The following KIF21A variants were observed in gnomAD, a reference collection of about 807,000 sequenced individuals.
The protein encoded by KIF21A is kinesin-like protein KIF21A.
Under a neutral mutation model 202.9 loss-of-function variants are expected in KIF21A, and 114 were observed. The observed-to-expected ratio is 0.56, with a 90% CI of 0.48 to 0.66. The LOEUF is 0.66. Ranked by LOEUF, KIF21A falls within the 30% of genes least tolerant of loss-of-function variation. The pLI is 0.00. For synonymous variants in KIF21A, 667 were observed against 670.8 expected (o/e 0.99, Z 0.09); for missense variants, 1,677 against 1,994.9 (o/e 0.84, Z 3.04).
chr12:39,412,788 C>G (rs934686810), intron 1 of KIF21A, among the ~76,000 whole-genome samples: 2 of 152,138 alleles, frequency 1.3e-5, no homozygotes, highest in African/African-American at 4.8e-5. Context: ...AGCAGTAACT[C>G]TTTACAAATA....
Position 39,337,079 on chromosome 12 carries a change from A to T in KIF21A, c.2418+17T>A. 1 of 1,492,446 alleles carries T rather than the reference A, an allele frequency of 6.7e-7. No individual in the cohort carries two copies. The highest frequency in any genetic ancestry group is 9.3e-7 in the Non-Finnish European group (1 of 1,072,342). The allele number at this position is 1,492,446 out of a possible 1,614,324, so 92.5% of individuals were successfully genotyped here. Reference sequence around the variant, plus strand: ...CGTACAATTTTCTTATATAACTGAGAGTTAAAATCCACTTACATCTCTTTT... The same window carrying T: ...CGTACAATTTTCTTATATAACTGAGTGTTAAAATCCACTTACATCTCTTTT... On this transcript the variant is annotated intron_variant, in intron 17 of 37. Coordinates refer to ENST00000361418, the MANE Select transcript of KIF21A (RefSeq NM_001173464.2).
intron 1 of KIF21A, among the ~76,000 whole-genome samples, chr12:39,422,695 C>A (rs1954404625): frequency 1.3e-5 from 2 of 152,176 alleles, no homozygotes; most frequent in African/African-American, 4.8e-5. Flanking sequence ...CTGAAATATG[C>A]CAAAAGTTCA....
intron 1 of KIF21A, among the ~76,000 whole-genome samples, chr12:39,395,895 T>TC (rs1308163223): frequency 2.0e-5 from 3 of 150,564 alleles, no homozygotes; most frequent in Non-Finnish European, 4.4e-5. Flanking sequence ...TTTTCTTCCT[T>TC]CCCCCCGCCT....
intron 37 of KIF21A, among the ~76,000 whole-genome samples, chr12:39,299,624 T>A (rs1942770845): frequency 6.6e-6 from 1 of 152,098 alleles, no homozygotes; most frequent in Admixed American, 6.6e-5. Context: ...GGAATATAAA[T>A]CATTCTACCA....
intron 1 of KIF21A, among the ~76,000 whole-genome samples, chr12:39,436,448 A>ATATATATATATATATATATATATATTTT (rs1387332677): frequency 3.4e-4 from 33 of 95,708 alleles, no homozygotes; most frequent in Non-Finnish European, 5.6e-4. Context: ...ATATATATAT[A>ATATATATATATATATATATATATATTTT]TTTTTTTTTT....
At position 39,367,062 on chromosome 12, in the gene KIF21A, A is replaced by G; in HGVS notation, c.703T>C (p.Cys235Arg). 6.2e-7 allele frequency: 1 copy of G among 1,613,830 alleles called. No individual in the cohort carries two copies. The highest frequency in any genetic ancestry group is 8.5e-7 in the Non-Finnish European group (1 of 1,179,722). Residue 235 changes from cysteine (C) to arginine (R), a missense_variant, in exon 5 of 38, where the codon TGT (cysteine) becomes CGT (arginine). This residue lies in a region of KIF21A where 966 missense variants were observed against 1,180.9 expected (regional missense o/e 0.82). Transcript: ENST00000361418. ...RSHAIFTIHV[C>R]QTRVCPQIDA... ...ATTTGGGGACACACTCTGGTTTGAC[A>G]CACATGAATGGTAAAAATGGCATGT...
chr12:39,336,347 A>G lies in KIF21A; in HGVS notation c.2418+749T>C, dbSNP rs1479691262. On this transcript the variant is annotated intron_variant, in intron 17 of 37. Coordinates refer to ENST00000361418, the MANE Select transcript of KIF21A (RefSeq NM_001173464.2). ...CATAACTTATAACCCTAACACAACT[A>G]CAATTAGCACGTTGAGATGTATCCT... Among the ~76,000 whole-genome samples, 5 of 152,304 alleles carry G rather than the reference A, an allele frequency of 3.3e-5. No individual in the cohort carries two copies. In the East Asian group the frequency reaches 9.6e-4, roughly 29 times the overall value.
intron 1 of KIF21A, 33 bp from the exon 2 acceptor site, chr12:39,370,294 A>C (rs1949864212): frequency 6.6e-7 from 1 of 1,508,324 alleles, no homozygotes; most frequent in African/African-American, 1.5e-5. Flanking sequence ...AAAAAAATAA[A>C]ATAAATGGCA....
intron 12 of KIF21A, among the ~76,000 whole-genome samples, chr12:39,344,701 T>G (rs1006959920): frequency 2.0e-5 from 3 of 152,206 alleles, no homozygotes; most frequent in South Asian, 2.1e-4. Flanking sequence ...ATTATTAATT[T>G]AAAGGCTTAA....
At chr12:39,313,368 T>C (rs999924837) in intron 31 of KIF21A, among the ~76,000 whole-genome samples, 4 of 151,856 alleles carry the variant, frequency 2.6e-5, no homozygotes, top group African/African-American at 9.7e-5. Context: ...AAAGATAACA[T>C]GGGCTTATCA....
chr12:39,371,344 GGAAGAC>G (rs1387179590), intron 1 of KIF21A, among the ~76,000 whole-genome samples: 1 of 151,986 alleles, frequency 6.6e-6, no homozygotes, highest in South Asian at 2.1e-4. Context: ...TTCCTCCACT[GGAAGAC>G]CACCGCACTA....
At chr12:39,404,667 A>G (rs1952442334) in intron 1 of KIF21A, among the ~76,000 whole-genome samples, 1 of 152,184 alleles carries the variant, frequency 6.6e-6, no homozygotes, top group South Asian at 2.1e-4. Flanking sequence ...ATCCTGTTTC[A>G]TTATATAGGT....
At chr12:39,340,394 T>G (rs985869609) in intron 15 of KIF21A, 30 bp from the exon 16 acceptor site, 10 of 1,520,096 alleles carry the variant, frequency 6.6e-6, no homozygotes, top group South Asian at 4.6e-5. Flanking sequence ...TTTTATATGT[T>G]TTTTTGTGAG....
rs367901380 is a variant in KIF21A, at chr12:39,330,255, A to C, written c.3327T>G (p.Asp1109Glu). ...AAACATACTTACCTAATGGTACGCTATCTAGATCTGTGTAAATAACAGCAA... is the reference window on the plus strand; with the variant it reads ...AAACATACTTACCTAATGGTACGCTCTCTAGATCTGTGTAAATAACAGCAA... ...ALLGHALQDLDSVPLENVEDS... is the reference protein window; with the variant it reads ...ALLGHALQDLESVPLENVEDS... The change falls in exon 24 of 38, where the codon GAT (aspartate) becomes GAG (glutamate). Residue 1109 changes from aspartate (D) to glutamate (E), a missense_variant. By Grantham distance (45) the Asp-to-Glu change is conservative. This residue lies in a region of KIF21A where 705 missense variants were observed against 791.9 expected (regional missense o/e 0.89). Coordinates refer to ENST00000361418, the MANE Select transcript of KIF21A (RefSeq NM_001173464.2). 1.2e-5 allele frequency: 20 copies of C among 1,612,186 alleles called. No individual in the cohort carries two copies. The African/African-American group carries it at 2.5e-4, about 20-fold the overall frequency.
intron 12 of KIF21A, among the ~76,000 whole-genome samples, chr12:39,343,797 C>T (rs898339048): frequency 3.3e-5 from 5 of 152,184 alleles, no homozygotes; most frequent in Non-Finnish European, 5.9e-5. Context: ...TGTTTGCCTC[C>T]GCATTACATC....
At chr12:39,366,293 G>T in intron 6 of KIF21A, 57 bp downstream of exon 6, 1 of 1,470,582 alleles carries the variant, frequency 6.8e-7, no homozygotes, top group Non-Finnish European at 9.5e-7. Flanking sequence ...AATTACAAAA[G>T]ACAAAAGGAC....
chr12:39,441,660 T>TAAAAAAAAAAAAAAAAAAAAAAAA lies in KIF21A; in HGVS notation c.44+1266_44+1267insTTTTTTTTTTTTTTTTTTTTTTTT, dbSNP rs56245570. ...ATAAAACTGTCACCTCCCTGGGTGG[T>TAAAAAAAAAAAAAAAAAAAAAAAA]AAAAAAAAAAAAAAAAAAAACACTT... On this transcript the variant is annotated intron_variant, in intron 1 of 37. Coordinates refer to ENST00000361418, the MANE Select transcript of KIF21A (RefSeq NM_001173464.2). Among the ~76,000 whole-genome samples the TAAAAAAAAAAAAAAAAAAAAAAAA allele has an allele frequency of 6.4e-3, 240 of 37,660 alleles. 26 individuals are homozygous for TAAAAAAAAAAAAAAAAAAAAAAAA. The highest frequency in any genetic ancestry group is 9.3e-3 in the Non-Finnish European group (165 of 17,780). The allele number at this position is 37,660 out of a possible 152,430, so 24.7% of individuals were successfully genotyped here. A position where few individuals can be genotyped will look rare whatever the true frequency, so the allele number is the denominator to read the frequency against.
intron 28 of KIF21A, among the ~76,000 whole-genome samples, chr12:39,318,912 C>T (rs531271963): frequency 4.6e-5 from 7 of 151,064 alleles, no homozygotes; most frequent in South Asian, 2.1e-4. Flanking sequence ...ACCCGGGAGG[C>T]GGAGTTTGCA....
In KIF21A at chr12:39,357,326, G is replaced by A. The variant is rs368294102; in HGVS notation, c.1327C>T (p.Gln443Ter). ...GACCTCAATGCATCAACCGTCTCTT[G>A]CATGGCTTTAATTCTTACACGCAGG... is the stretch of plus-strand genomic sequence containing the variant. ...NNLRVRIKAMQETVDALRSRI... is the reference protein window; with the variant it reads ...NNLRVRIKAM The change falls in exon 9 of 38, where the codon CAA becomes TAA. Residue 443 changes from glutamine to a stop codon, truncating the protein, a stop_gained. Coordinates refer to ENST00000361418, the MANE Select transcript of KIF21A (RefSeq NM_001173464.2). LOFTEE classifies it high-confidence loss of function. The A allele has an allele frequency of 1.2e-6, 2 of 1,614,076 alleles. No homozygotes were observed. Among genetic ancestry groups the A allele is most frequent in the South Asian group, 2.2e-5 (2 of 91,080 alleles).
Sources: allele counts gnomAD v4.1 joint callset (sites outside exome capture counted in the v4.1 genomes callset), GRCh38; gene constraint gnomAD v4.1.1; regional missense constraint gnomAD v4.1.1; transcripts MANE v1.5; gene names NCBI Gene and HGNC (gene_info 2026-07-23, HGNC 2026-07-21).